The following ATRNL1 variants were observed in gnomAD, a reference collection of about 807,000 sequenced individuals.
The protein encoded by ATRNL1 is attractin-like protein 1.
A neutral mutation model predicts 182.7 loss-of-function variants in ATRNL1; 95 were observed. The observed-to-expected ratio is 0.52, with a 90% CI of 0.44 to 0.62. The LOEUF (loss-of-function observed/expected upper bound fraction) is 0.62, where lower values mean the gene tolerates loss of function less well. Among genes scored for constraint, ATRNL1 ranks in the 20% least tolerant of loss-of-function variants. The probability of loss-of-function intolerance (pLI) is 0.00; values close to 1 mark genes in which losing one functional copy is unlikely to be tolerated. For synonymous variants in ATRNL1, 576 were observed against 568.3 expected (o/e 1.01, Z -0.19); for missense variants, 1,471 against 1,679.5 (o/e 0.88, Z 2.17).
chr10:115,533,415 G>A (rs1299007428), intron 25 of ATRNL1, among the ~76,000 whole-genome samples: 7 of 146,206 alleles, frequency 4.8e-5, no homozygotes, highest in Admixed American at 2.6e-4. Flanking sequence ...ATTCTCTGAT[G>A]GTAGTTTGTA....
At chr10:115,616,501 C>T (rs1217105826) in intron 26 of ATRNL1, among the ~76,000 whole-genome samples, 2 of 152,126 alleles carry the variant, frequency 1.3e-5, no homozygotes, top group East Asian at 3.9e-4. Flanking sequence ...AGCCAAGTAC[C>T]AGTAGCCAAG....
intron 5 of ATRNL1, among the ~76,000 whole-genome samples, chr10:115,139,491 A>G (rs1418946569): frequency 5.3e-5 from 8 of 152,204 alleles, no homozygotes; most frequent in Non-Finnish European, 8.8e-5. Context: ...ATGGCGGCAG[A>G]CAACAGAAAA....
chr10:115,428,292 A>G (rs1845996049), intron 21 of ATRNL1, among the ~76,000 whole-genome samples: 1 of 152,006 alleles, frequency 6.6e-6, no homozygotes, highest in Non-Finnish European at 1.5e-5. Context: ...TTCTACTACC[A>G]TTTTTTGTTG....
rs563289504 is a variant in ATRNL1 at position 115,488,818 on chromosome 10, G to T, written c.3654+19489G>T. 2.6e-4 allele frequency among the ~76,000 whole-genome samples: 39 copies of T among 152,166 alleles called. 1 individual carries two copies. In the South Asian group the frequency reaches 7.9e-3, roughly 31 times the overall value. On this transcript the variant is annotated intron_variant, in intron 24 of 28. Coordinates refer to ENST00000355044, the MANE Select transcript of ATRNL1 (RefSeq NM_207303.4). ...TCTAGTTCTTTTACTTGTGATGTTA[G>T]GGTGTCAATTTTAGATCTTTCCTGC...
intron 26 of ATRNL1, among the ~76,000 whole-genome samples, chr10:115,654,219 C>CA (rs1291568804): frequency 3.5e-5 from 5 of 143,568 alleles, no homozygotes; most frequent in Non-Finnish European, 7.7e-5. Context: ...AATTTCTTTT[C>CA]TTTTTTTTTT....
intron 20 of ATRNL1, among the ~76,000 whole-genome samples, chr10:115,398,481 TG>T (rs1280572201): frequency 2.6e-5 from 4 of 152,046 alleles, no homozygotes; most frequent in Non-Finnish European, 5.9e-5. Flanking sequence ...CAGTTATGAA[TG>T]GAAGTTCTTT....
intron 28 of ATRNL1, among the ~76,000 whole-genome samples, chr10:115,866,390 A>C (rs561053722): frequency 2.5e-4 from 38 of 152,346 alleles, no homozygotes; most frequent in Admixed American, 2.5e-3. Context: ...CAAAACAAAC[A>C]AAAACCACCA....
intron 6 of ATRNL1, 25 bp downstream of exon 6, chr10:115,160,239 G>C: frequency 6.4e-7 from 1 of 1,555,344 alleles, no homozygotes; most frequent in Admixed American, 1.8e-5. Flanking sequence ...TCAGATTCTT[G>C]CTGTTTTTTA....
At chr10:115,133,751 T>A (rs1346170091) in intron 5 of ATRNL1, among the ~76,000 whole-genome samples, 1 of 152,188 alleles carries the variant, frequency 6.6e-6, no homozygotes, top group African/African-American at 2.4e-5. Context: ...TACATTCTTC[T>A]CAGCACCACA....
At chr10:115,250,901 A>G (rs782738459) in intron 10 of ATRNL1, among the ~76,000 whole-genome samples, 47 of 152,210 alleles carry the variant, frequency 3.1e-4, no homozygotes, top group Non-Finnish European at 5.7e-4. Flanking sequence ...AAGATGTCCA[A>G]CAGGATCAAA....
intron 26 of ATRNL1, among the ~76,000 whole-genome samples, chr10:115,719,903 C>A (rs1458649508): frequency 1.3e-5 from 2 of 150,084 alleles, no homozygotes; most frequent in Non-Finnish European, 3.0e-5. Flanking sequence ...CTTTTTTGCC[C>A]CAGGCTGGAG....
At chr10:115,246,787 C>G (rs1850664131) in intron 10 of ATRNL1, among the ~76,000 whole-genome samples, 1 of 137,256 alleles carries the variant, frequency 7.3e-6, no homozygotes. Context: ...GTCTCGATCT[C>G]CTGACCTCAT....
chr10:115,804,019 C>T (rs1349668835), intron 27 of ATRNL1, among the ~76,000 whole-genome samples: 2 of 152,074 alleles, frequency 1.3e-5, no homozygotes, highest in Non-Finnish European at 2.9e-5. Context: ...TACTATATTC[C>T]AGGTACATAT....
intron 9 of ATRNL1, among the ~76,000 whole-genome samples, chr10:115,228,766 C>CTTTTTTTTTT (rs35765835): frequency 7.5e-6 from 1 of 133,796 alleles, no homozygotes; most frequent in African/African-American, 2.7e-5. Context: ...TTCTTTCTTT[C>CTTTTTTTTTT]TTTTTTTTTT....
At chr10:115,704,585 TA>T (rs1946839823) in intron 26 of ATRNL1, among the ~76,000 whole-genome samples, 1 of 151,920 alleles carries the variant, frequency 6.6e-6, no homozygotes, top group Non-Finnish European at 1.5e-5. Flanking sequence ...GGAAAAATAT[TA>T]AGCAGAATAA....
intron 27 of ATRNL1, among the ~76,000 whole-genome samples, chr10:115,846,163 A>T (rs1950922778): frequency 6.6e-6 from 1 of 152,098 alleles, no homozygotes; most frequent in South Asian, 2.1e-4. Flanking sequence ...AACATGGCTT[A>T]CAGCATTTTC....
chr10:115,856,742 G>A (rs1221275948), intron 28 of ATRNL1, among the ~76,000 whole-genome samples: 4 of 152,022 alleles, frequency 2.6e-5, no homozygotes, highest in African/African-American at 7.2e-5. Context: ...TAATGCCTCC[G>A]CTGATCCGAC....
intron 8 of ATRNL1, among the ~76,000 whole-genome samples, chr10:115,213,010 A>G (rs1453812634): frequency 6.6e-6 from 1 of 152,156 alleles, no homozygotes; most frequent in African/African-American, 2.4e-5. Context: ...AAAGTTAAAA[A>G]TAGTTATAGT....
At chr10:115,280,737 G>A (rs942078173) in intron 13 of ATRNL1, among the ~76,000 whole-genome samples, 3 of 152,174 alleles carry the variant, frequency 2.0e-5, no homozygotes, top group Non-Finnish European at 4.4e-5. Context: ...GAAAAGTCTG[G>A]TTGTCATCAG....
Sources: gnomAD v4.1 joint callset for allele counts (sites outside exome capture counted in the v4.1 genomes callset) on GRCh38, gnomAD v4.1.1 for gene constraint, MANE v1.5 for transcripts, NCBI Gene and HGNC (gene_info 2026-07-23, HGNC 2026-07-21) for gene names.